NUF2: variants seen among roughly 807,000 people sequenced by gnomAD.
NUF2 encodes the protein kinetochore protein Nuf2.
NUF2 carries 34 observed loss-of-function variants against 61.8 expected under a neutral mutation model. The observed-to-expected ratio is 0.55, with a 90% confidence interval of 0.42 to 0.73. The LOEUF is 0.73. Among genes scored for constraint, NUF2 ranks in the 30% least tolerant of loss-of-function variants. The pLI is 0.00. For synonymous variants in NUF2, 172 were observed against 181.6 expected, an observed-to-expected ratio of 0.95 and a Z score of 0.42; for missense variants, 445 against 539.1, an observed-to-expected ratio of 0.83 and a Z score of 1.73.
intron 1 of NUF2, among the ~76,000 whole-genome samples, chr1:163,323,513 G>A (rs1413819383): frequency 6.6e-6 from 1 of 152,120 alleles, no homozygotes; most frequent in Non-Finnish European, 1.5e-5. Context: ...GAGCCCAGAA[G>A]TTCAAGACCA....
intron 3 of NUF2, chr1:163,327,984 A>G: frequency 2.4e-6 from 1 of 409,842 alleles, no homozygotes; most frequent in Non-Finnish European, 4.3e-6. Flanking sequence ...AATTATTTGC[A>G]TAATACCTGA....
Position 163,347,882 on chromosome 1 carries a change from A to G in NUF2, c.1068A>G (p.Gln356=). ...AGAAGGAAAAACTTGCCACAGCACA[A>G]TTCAAAATAAATAAGAAGCATGAAG... The part of the protein sequence containing the change: ...IVKKEKLATA[Q]FKINKKHEDV... The change falls in exon 12 of 14, where the codon CAA becomes CAG. Residue 356 remains glutamine (Q), a synonymous_variant. Transcript: ENST00000271452. 1.9e-6 allele frequency: 3 copies of G among 1,608,756 alleles called. No individual in the cohort carries two copies. Among genetic ancestry groups the G allele is most frequent in the Admixed American group, 1.7e-5 (1 of 59,042 alleles).
chr1:163,336,594 A>G (rs1650766954), intron 5 of NUF2, among the ~76,000 whole-genome samples, 157 bp from the exon 6 acceptor site: 1 of 151,998 alleles, frequency 6.6e-6, no homozygotes, highest in South Asian at 2.1e-4. Context: ...GATAATTTTT[A>G]CCTTTAAGTT....
chr1:163,345,768 A>C lies in NUF2; in HGVS notation c.898A>C (p.Ile300Leu). ...GGAAGTGCAGTTATATCAAAAGAAA[A>C]TACAGGACCTTTCAGATAATAGGGA... ...QLEVQLYQKK[I>L]QDLSDNREKL... Residue 300 changes from isoleucine to leucine, a missense_variant, in exon 11 of 14, where the codon ATA (isoleucine) becomes CTA (leucine). Transcript: ENST00000271452. The C allele has an allele frequency of 1.2e-6, 2 of 1,610,662 alleles. No homozygotes were observed. Among genetic ancestry groups the C allele is most frequent in the Non-Finnish European group, 1.7e-6 (2 of 1,177,212 alleles).
At chr1:163,333,826 T>A (rs1431914048) in intron 5 of NUF2, among the ~76,000 whole-genome samples, 1 of 152,204 alleles carries the variant, frequency 6.6e-6, no homozygotes, top group African/African-American at 2.4e-5. Flanking sequence ...TATTTTGACA[T>A]TTAAAAAATA....
At chr1:163,341,401 G>A (rs1571390140) in intron 9 of NUF2, among the ~76,000 whole-genome samples, 1 of 151,952 alleles carries the variant, frequency 6.6e-6, no homozygotes, top group East Asian at 1.9e-4. Context: ...GTAGAGGCGG[G>A]GTTTTACCAT....
At chr1:163,351,872 T>C (rs1298919697) in intron 13 of NUF2, among the ~76,000 whole-genome samples, 1 of 152,236 alleles carries the variant, frequency 6.6e-6, no homozygotes, top group East Asian at 1.9e-4. Context: ...TAGTCTTTTT[T>C]CATTAAATGT....
intron 9 of NUF2, among the ~76,000 whole-genome samples, chr1:163,341,821 G>A (rs772625539): frequency 2.0e-5 from 3 of 151,934 alleles, no homozygotes; most frequent in Non-Finnish European, 4.4e-5. Context: ...GTAGAGATGG[G>A]GTTTTACCAT....
At chr1:163,327,808 T>C (rs183595499) in intron 3 of NUF2, 2 of 458,712 alleles carry the variant, frequency 4.4e-6, no homozygotes, top group South Asian at 3.8e-5. Flanking sequence ...ACACAGATCA[T>C]TGATGCAATG....
At chr1:163,344,925 A>T (rs1651072460) in intron 10 of NUF2, among the ~76,000 whole-genome samples, 1 of 152,148 alleles carries the variant, frequency 6.6e-6, no homozygotes, top group African/African-American at 2.4e-5. Context: ...CTTTTACAAA[A>T]ATAAATTTTG....
Position 163,346,155 on chromosome 1 carries a change from T to TTA in NUF2, c.948+351_948+352dup, listed in dbSNP as rs144536727. ...CTGAAACTGTGGATAGTAACAAACC[T>TTA]TATATATATATATATGTTTTTTCCT... is the stretch of plus-strand genomic sequence containing the variant. On this transcript the variant is annotated intron_variant, in intron 11 of 13. Coordinates refer to ENST00000271452, the MANE Select transcript of NUF2 (RefSeq NM_145697.3). 2.3e-3 allele frequency: 357 copies of TTA among 154,814 alleles called. 1 individual carries two copies. Among genetic ancestry groups the TTA allele is most frequent in the African/African-American group, 6.4e-3 (264 of 41,300 alleles). The allele number at this position is 154,814 out of a possible 1,614,324, so 9.6% of individuals were successfully genotyped here. A position where few individuals can be genotyped will look rare whatever the true frequency, so the allele number is the denominator to read the frequency against.
chr1:163,327,091 C>T (rs554145825), intron 2 of NUF2, among the ~76,000 whole-genome samples: 62 of 105,316 alleles, frequency 5.9e-4, no homozygotes, highest in African/African-American at 2.0e-3. Context: ...AACAAGGTTT[C>T]CTGTGTTCAC....
chr1:163,324,074 G>A (rs1360935186), intron 1 of NUF2, among the ~76,000 whole-genome samples: 1 of 152,140 alleles, frequency 6.6e-6, no homozygotes, highest in Non-Finnish European at 1.5e-5. Flanking sequence ...AATAGTGTGT[G>A]TTAGAGGAAG....
intron 2 of NUF2, 36 bp downstream of exon 2, chr1:163,326,210 A>G (rs771506561): frequency 3.1e-6 from 5 of 1,600,602 alleles, no homozygotes; most frequent in African/African-American, 1.3e-5. Context: ...GGATAATGGT[A>G]TTTAGGGAAA....
chr1:163,332,534 G>A (rs1310202960), intron 5 of NUF2, among the ~76,000 whole-genome samples: 1 of 152,098 alleles, frequency 6.6e-6, no homozygotes, highest in African/African-American at 2.4e-5. Flanking sequence ...AAACCAAGGT[G>A]TTACTAAGGT....
chr1:163,328,336 T>C lies in NUF2; in HGVS notation c.275+32T>C, dbSNP rs1330311332. 3.0e-6 allele frequency: 4 copies of C among 1,318,518 alleles called. No homozygotes were observed. In the Middle Eastern group the frequency reaches 5.6e-4, roughly 186 times the overall value. 81.7% of individuals were successfully genotyped at this position (1,318,518 alleles called of 1,614,324 possible). Reference sequence around the variant, plus strand: ...AAAGAGTGATTTTATTGTCTTCGTCTACATTCGTATTTATATTACATTAAG... The same window carrying C: ...AAAGAGTGATTTTATTGTCTTCGTCCACATTCGTATTTATATTACATTAAG... On this transcript the variant is annotated intron_variant, in intron 4 of 13. Transcript: ENST00000271452.
intron 13 of NUF2, among the ~76,000 whole-genome samples, chr1:163,352,541 G>A (rs1224129182): frequency 6.6e-6 from 1 of 152,172 alleles, no homozygotes; most frequent in Admixed American, 6.5e-5. Flanking sequence ...TGTGAACAAG[G>A]CAGGAATGAT....
At chr1:163,349,313 GT>G (rs1651234122) in intron 13 of NUF2, among the ~76,000 whole-genome samples, 1 of 152,032 alleles carries the variant, frequency 6.6e-6, no homozygotes, top group Admixed American at 6.6e-5. Context: ...AAAAATGCTA[GT>G]ACAGTGCTAA....
At chr1:163,334,079 C>G (rs1650680192) in intron 5 of NUF2, among the ~76,000 whole-genome samples, 1 of 152,166 alleles carries the variant, frequency 6.6e-6, no homozygotes, top group South Asian at 2.1e-4. Context: ...ATTTGACTTT[C>G]TGTTTCTGAG....
Sources: allele counts gnomAD v4.1 joint callset (sites outside exome capture counted in the v4.1 genomes callset), GRCh38; gene constraint gnomAD v4.1.1; transcripts MANE v1.5; gene names NCBI Gene and HGNC (gene_info 2026-07-23, HGNC 2026-07-21).